MIA2: variants seen among roughly 807,000 people sequenced by gnomAD.
MIA2 encodes the protein melanoma inhibitory activity protein 2.
Under a neutral mutation model 167.8 loss-of-function variants are expected in MIA2, and 127 were observed. That is an observed-to-expected ratio of 0.76 (90% CI 0.66 to 0.88). The LOEUF (loss-of-function observed/expected upper bound fraction) is 0.88. Ranked by LOEUF, MIA2 falls within the 40% of genes least tolerant of loss-of-function variation. MIA2 has a pLI of 0.00. For synonymous variants in MIA2, 552 were observed against 541.9 expected, an observed-to-expected ratio of 1.02 and a Z score of -0.26; for missense variants, 1,690 against 1,624.7, an observed-to-expected ratio of 1.04 and a Z score of -0.69.
intron 9 of MIA2, among the ~76,000 whole-genome samples, chr14:39,287,274 G>T (rs2059951047): frequency 6.6e-6 from 1 of 151,574 alleles, no homozygotes; most frequent in Non-Finnish European, 1.5e-5. Context: ...ATGGTGTTTG[G>T]CCAAGTTGCC....
At chr14:39,352,114 G>GAATTT, downstream of MIA2, among the ~76,000 whole-genome samples, 1 of 150,978 alleles carries the variant, frequency 6.6e-6, no homozygotes, top group East Asian at 1.9e-4. Context: ...CTGTTCCGAT[G>GAATTT]AATTTTCTTC....
chr14:39,346,731 A>C lies in MIA2; in HGVS notation c.3778+705A>C, dbSNP rs537457158. ...AAATATTGATTTTCTGACATAGTAG[A>C]CTATATAATATAGCTGGGACTACAG... On this transcript the variant is annotated intron_variant, in intron 26 of 28. Transcript: ENST00000640607. 2.7e-5 allele frequency among the ~76,000 whole-genome samples: 4 copies of C among 149,690 alleles called. 1 individual carries two copies. The South Asian group carries it at 8.4e-4, about 31-fold the overall frequency.
At chr14:39,308,864 G>GC (rs1231650935) in intron 18 of MIA2, among the ~76,000 whole-genome samples, 3 of 152,064 alleles carry the variant, frequency 2.0e-5, no homozygotes, top group Admixed American at 2.0e-4. Flanking sequence ...CCTAATACTG[G>GC]CAGGGAATCT....
intron 6 of MIA2, among the ~76,000 whole-genome samples, chr14:39,275,325 G>T (rs1701158242): frequency 6.6e-6 from 1 of 152,040 alleles, no homozygotes; most frequent in African/African-American, 2.4e-5. Context: ...ATTTTTAGTA[G>T]AGACAGGGTT....
intron 23 of MIA2, chr14:39,385,872 C>T (rs2075265359): frequency 1.5e-5 from 14 of 963,008 alleles, no homozygotes; most frequent in South Asian, 3.9e-5. Context: ...TGCCCCGTCC[C>T]CTAGCTCCCT....
intron 4 of MIA2, among the ~76,000 whole-genome samples, chr14:39,252,443 T>C (rs2054622286): frequency 6.6e-6 from 1 of 152,202 alleles, no homozygotes; most frequent in South Asian, 2.1e-4. Context: ...AAATAGATTC[T>C]GCCCTAGAGC....
In MIA2 at chr14:39,291,012, G is replaced by T. The variant is rs2060664620; in HGVS notation, c.2131-7G>T. The T allele has an allele frequency of 6.2e-7, 1 of 1,601,392 alleles. No homozygotes were observed. ...GAGTTTTTACTTGTGATGTTGCTTT[G>T]TTTCAGTATGAAGGCTATGAAGTAG... On this transcript the variant is annotated splice_region_variant and splice_polypyrimidine_tract_variant and intron_variant, in intron 9 of 28. Transcript: ENST00000640607.
chr14:39,320,939 T>C lies in MIA2; in HGVS notation c.3379T>C (p.Tyr1127His). The C allele has an allele frequency of 6.2e-7, 1 of 1,613,194 alleles. No individual in the cohort carries two copies. The highest frequency in any genetic ancestry group is 8.5e-7 in the Non-Finnish European group (1 of 1,179,626). ...TTTAATTATTCCAGAGCATTCCCCA[T>C]ATGGTCCCTCACCATTGGGTTGGCC... ...NTAFGREHSPYGPSPLGWPSS... is the reference protein window; with the variant it reads ...NTAFGREHSPHGPSPLGWPSS... The change falls in exon 24 of 29, where the codon TAT (tyrosine) becomes CAT (histidine). Residue 1127 changes from tyrosine to histidine, a missense_variant. Physicochemically the swap from Tyr to His is moderately conservative, Grantham distance 83. Coordinates refer to ENST00000640607, the MANE Select transcript of MIA2 (RefSeq NM_001329214.4).
chr14:39,317,377 G>C (rs1365251375), intron 21 of MIA2, among the ~76,000 whole-genome samples: 1 of 152,134 alleles, frequency 6.6e-6, no homozygotes, highest in East Asian at 1.9e-4. Context: ...TTTCTGAAAA[G>C]TCACATGGTA....
chr14:39,253,521 A>G, intron 6 of MIA2: 1 of 279,160 alleles, frequency 3.6e-6, no homozygotes, highest in Non-Finnish European at 6.6e-6. Context: ...AGTTCCCACT[A>G]CTTAGGAGGC....
At chr14:39,359,992 G>GTTTTTTTTT (rs58076493) in intron 23 of MIA2, among the ~76,000 whole-genome samples, 6 of 128,818 alleles carry the variant, frequency 4.7e-5, no homozygotes, top group Non-Finnish European at 5.0e-5. Context: ...TCTGCAGCAT[G>GTTTTTTTTT]TTTTTTTTTT....
At chr14:39,261,738 C>T (rs1248069589) in intron 6 of MIA2, among the ~76,000 whole-genome samples, 4 of 152,106 alleles carry the variant, frequency 2.6e-5, no homozygotes, top group Non-Finnish European at 5.9e-5. Flanking sequence ...CTCTGATGGC[C>T]AGTGATGATG....
chr14:39,234,980 A>G (rs2053664103), intron 1 of MIA2, among the ~76,000 whole-genome samples: 1 of 151,794 alleles, frequency 6.6e-6, no homozygotes, highest in Admixed American at 6.6e-5. Flanking sequence ...TATAATAAAT[A>G]CATATTTTTT....
At chr14:39,375,283 G>T (rs1014427073) in intron 23 of MIA2, among the ~76,000 whole-genome samples, 2 of 152,214 alleles carry the variant, frequency 1.3e-5, no homozygotes, top group Non-Finnish European at 2.9e-5. Flanking sequence ...GTATTACTGA[G>T]AATGTTATCA....
intron 9 of MIA2, among the ~76,000 whole-genome samples, chr14:39,280,294 G>A (rs1315284968): frequency 2.6e-5 from 4 of 151,432 alleles, no homozygotes; most frequent in Non-Finnish European, 5.9e-5. Flanking sequence ...TTAATTTACA[G>A]TTCTTGGCTA....
chr14:39,340,122 C>T (rs956727298), intron 25 of MIA2, among the ~76,000 whole-genome samples: 4 of 152,204 alleles, frequency 2.6e-5, no homozygotes, highest in South Asian at 2.1e-4. Context: ...GGATTACAGA[C>T]GTGAGCCACC....
intron 7 of MIA2, among the ~76,000 whole-genome samples, chr14:39,277,744 GTGTGTATA>G (rs1339803940): frequency 0.021 from 47 of 2,204 alleles, 15 homozygotes; most frequent in African/African-American, 0.073. Context: ...ATATATATAT[GTGTGTATA>G]TATATATATA....
intron 9 of MIA2, among the ~76,000 whole-genome samples, chr14:39,286,318 G>A (rs961643396): frequency 2.0e-5 from 3 of 151,740 alleles, no homozygotes; most frequent in Non-Finnish European, 2.9e-5. Flanking sequence ...GGTGGCGCGC[G>A]CCTGCAATTG....
At chr14:39,343,733 G>T (rs190323712) in intron 25 of MIA2, among the ~76,000 whole-genome samples, 3 of 152,128 alleles carry the variant, frequency 2.0e-5, no homozygotes, top group African/African-American at 7.2e-5. Context: ...CTGTAGTTCA[G>T]TTCAGTCTTT....
Sources: gnomAD v4.1 joint callset for allele counts (sites outside exome capture counted in the v4.1 genomes callset) on GRCh38, gnomAD v4.1.1 for gene constraint, MANE v1.5 for transcripts, NCBI Gene and HGNC (gene_info 2026-07-23, HGNC 2026-07-21) for gene names.